The following DLGAP4 variants were observed in gnomAD, a reference collection of about 807,000 sequenced individuals.
DLGAP4 encodes the protein disks large-associated protein 4.
DLGAP4 carries 18 observed loss-of-function variants against 86.9 expected under a neutral mutation model. The ratio of observed to expected loss-of-function variants is 0.21; its 90% CI spans 0.14 to 0.31. DLGAP4 has a LOEUF of 0.31. Ranked by LOEUF, DLGAP4 falls within the 10% of genes least tolerant of loss-of-function variation. The pLI, the probability that DLGAP4 is intolerant of heterozygous loss-of-function variation, is 1.00. For missense variants in DLGAP4, 1,085 were observed against 1,362.6 expected (o/e 0.80, Z 3.21); for synonymous variants, 548 against 574.3 (o/e 0.95, Z 0.65).
At chr20:36,434,090 C>T (rs1264751369) in intron 3 of DLGAP4, among the ~76,000 whole-genome samples, 3 of 151,580 alleles carry the variant, frequency 2.0e-5, no homozygotes, top group African/African-American at 7.3e-5. Flanking sequence ...ATTATAGGTG[C>T]GAGCCACCAA....
At chr20:36,328,353 A>T (rs1228973907) in intron 1 of DLGAP4, among the ~76,000 whole-genome samples, 1 of 152,102 alleles carries the variant, frequency 6.6e-6, no homozygotes, top group Non-Finnish European at 1.5e-5. Context: ...AGCTGGGAGG[A>T]CATCAGACCC....
At chr20:36,505,614 G>A (rs906021594) in intron 10 of DLGAP4, among the ~76,000 whole-genome samples, 7 of 151,822 alleles carry the variant, frequency 4.6e-5, no homozygotes, top group Admixed American at 2.6e-4. Flanking sequence ...CATCTCTATC[G>A]AAAATATAAA....
At chr20:36,481,078 G>A (rs1206607031) in intron 7 of DLGAP4, among the ~76,000 whole-genome samples, 2 of 152,178 alleles carry the variant, frequency 1.3e-5, no homozygotes, top group African/African-American at 2.4e-5. Flanking sequence ...TGGATGTAAA[G>A]TAGAAGGGCA....
At chr20:36,465,176 C>T (rs761598071) in intron 7 of DLGAP4, 2 of 151,574 alleles carry the variant, frequency 1.3e-5, no homozygotes, top group Admixed American at 6.6e-5. Context: ...CCCCCACCCC[C>T]GCATGCCCTG....
chr20:36,331,489 A>G (rs2065267510), intron 1 of DLGAP4, among the ~76,000 whole-genome samples: 1 of 152,216 alleles, frequency 6.6e-6, no homozygotes, highest in Non-Finnish European at 1.5e-5. Context: ...GGAGCCAGGC[A>G]GGGGTCACCC....
intron 1 of DLGAP4, among the ~76,000 whole-genome samples, chr20:36,314,989 TG>T (rs2065083347): frequency 7.2e-6 from 1 of 139,210 alleles, no homozygotes; most frequent in South Asian, 2.6e-4. Context: ...GTGGTGTGTG[TG>T]TTATGTATGG....
intron 2 of DLGAP4, among the ~76,000 whole-genome samples, chr20:36,390,429 T>G (rs190360156): frequency 9.2e-5 from 14 of 152,214 alleles, no homozygotes; most frequent in Admixed American, 4.6e-4. Context: ...TAGTTCCCCT[T>G]CCTTACCCTG....
intron 5 of DLGAP4, among the ~76,000 whole-genome samples, chr20:36,440,880 C>T (rs539549608): frequency 6.6e-6 from 1 of 152,000 alleles, no homozygotes; most frequent in African/African-American, 2.4e-5. Flanking sequence ...GTGTGCAGGC[C>T]CAGGACCACG....
rs570372157 is a variant in DLGAP4, at chr20:36,409,849, C to T, written c.-72-21797C>T. ...GAGATCGAGACCATCCTGGCTAACA[C>T]GGTGAAACCCCGTCTCTACTAAAAA... On this transcript the variant is annotated intron_variant, in intron 2 of 12. Coordinates refer to ENST00000339266, the MANE Select transcript of DLGAP4 (RefSeq NM_001365621.2). 1.7e-4 allele frequency among the ~76,000 whole-genome samples: 26 copies of T among 151,704 alleles called. No individual in the cohort carries two copies. The South Asian group carries it at 4.0e-3, about 23-fold the overall frequency.
Position 36,361,382 on chromosome 20 carries a change from A to C in DLGAP4, c.-303-5663A>C, listed in dbSNP as rs193038169. ...CTGAGGTGGCAAGGTTTGGGAGACCATTCATTATTCGAGGAACCCTGAGTC... is the reference window on the plus strand; with the variant it reads ...CTGAGGTGGCAAGGTTTGGGAGACCCTTCATTATTCGAGGAACCCTGAGTC... On this transcript the variant is annotated intron_variant, in intron 1 of 12. Coordinates refer to ENST00000339266, the MANE Select transcript of DLGAP4 (RefSeq NM_001365621.2). 2.6e-3 allele frequency among the ~76,000 whole-genome samples: 402 copies of C among 152,324 alleles called. 4 individuals carry two copies. The highest frequency in any genetic ancestry group is 7.0e-3 in the African/African-American group (291 of 41,564).
At chr20:36,364,430 C>T (rs1346787478) in intron 1 of DLGAP4, among the ~76,000 whole-genome samples, 1 of 152,162 alleles carries the variant, frequency 6.6e-6, no homozygotes, top group African/African-American at 2.4e-5. Context: ...ATACAACTCA[C>T]CCATTAAAGT....
intron 2 of DLGAP4, among the ~76,000 whole-genome samples, chr20:36,422,612 C>G (rs2032860347): frequency 1.3e-5 from 2 of 152,106 alleles, no homozygotes; most frequent in Admixed American, 6.6e-5. Flanking sequence ...CAGGAAGAGC[C>G]ATGCTAGGTT....
At chr20:36,398,261 T>A (rs2032057570) in intron 2 of DLGAP4, among the ~76,000 whole-genome samples, 1 of 152,250 alleles carries the variant, frequency 6.6e-6, no homozygotes, top group South Asian at 2.1e-4. Context: ...AGGAGATTCC[T>A]GATCCGGTCT....
At chr20:36,408,566 G>T (rs1013017006) in intron 2 of DLGAP4, among the ~76,000 whole-genome samples, 2 of 152,126 alleles carry the variant, frequency 1.3e-5, no homozygotes, top group South Asian at 4.1e-4. Context: ...TTGCCTTTGC[G>T]GGAAGAGGGA....
At chr20:36,421,940 A>G (rs1401929823) in intron 2 of DLGAP4, among the ~76,000 whole-genome samples, 1 of 152,134 alleles carries the variant, frequency 6.6e-6, no homozygotes, top group African/African-American at 2.4e-5. Context: ...TGAGATCAGC[A>G]GAGGAGAGGG....
At chr20:36,369,398 C>G (rs1442573649) in intron 2 of DLGAP4, among the ~76,000 whole-genome samples, 5 of 151,994 alleles carry the variant, frequency 3.3e-5, no homozygotes, top group Non-Finnish European at 1.5e-5. Flanking sequence ...TTCGAGACCA[C>G]CCTGGCCAAC....
intron 1 of DLGAP4, among the ~76,000 whole-genome samples, chr20:36,351,734 C>G (rs2030160893): frequency 6.6e-6 from 1 of 152,092 alleles, no homozygotes; most frequent in Non-Finnish European, 1.5e-5. Context: ...CACTGCCCTA[C>G]CAGACAGCAG....
At chr20:36,396,356 C>CACACACACA (rs144783809) in intron 2 of DLGAP4, among the ~76,000 whole-genome samples, 1 of 26,878 alleles carries the variant, frequency 3.7e-5, no homozygotes. Flanking sequence ...CACACACATA[C>CACACACACA]CACACGCACA....
intron 2 of DLGAP4, among the ~76,000 whole-genome samples, chr20:36,423,288 T>C (rs546450678): frequency 6.6e-6 from 1 of 151,558 alleles, no homozygotes; most frequent in East Asian, 2.0e-4. Flanking sequence ...AAACCCCGTC[T>C]CTACCAAAAG....
Sources: allele counts gnomAD v4.1 joint callset (sites outside exome capture counted in the v4.1 genomes callset), GRCh38; gene constraint gnomAD v4.1.1; transcripts MANE v1.5; gene names NCBI Gene and HGNC (gene_info 2026-07-23, HGNC 2026-07-21).